ANO2: variants seen among roughly 807,000 people sequenced by gnomAD.
The protein encoded by ANO2 is anoctamin-2.
A neutral mutation model predicts 124.2 loss-of-function variants in ANO2; 101 were observed. The ratio of observed to expected loss-of-function variants is 0.81; its 90% CI spans 0.69 to 0.96. The LOEUF (loss-of-function observed/expected upper bound fraction) is 0.96. Among genes scored for constraint, ANO2 ranks in the 40% least tolerant of loss-of-function variants. ANO2 has a pLI of 0.00. For synonymous variants in ANO2, 486 were observed against 482.5 expected (o/e 1.01, Z -0.09); for missense variants, 1,293 against 1,274.5 (o/e 1.01, Z -0.22).
chr12:5,722,498 C>A lies in ANO2; in HGVS notation c.1545+10022G>T, dbSNP rs549478976. Among the ~76,000 whole-genome samples, 3 of 152,194 alleles carry A rather than the reference C, an allele frequency of 2.0e-5. No homozygotes were observed. In the South Asian group the frequency reaches 6.2e-4, roughly 32 times the overall value. On this transcript the variant is annotated intron_variant, in intron 14 of 24. Coordinates refer to ENST00000682330, the MANE Select transcript of ANO2 (RefSeq NM_001364791.2). Reference sequence around the variant, plus strand: ...CTCCAGCCTGGGCGACAGAACGAGACTCTCTCAAAAAAATAAAAAATAAAA... The same window carrying A: ...CTCCAGCCTGGGCGACAGAACGAGAATCTCTCAAAAAAATAAAAAATAAAA...
At chr12:5,890,047 T>A (rs1939284725) in intron 3 of ANO2, among the ~76,000 whole-genome samples, 1 of 110,918 alleles carries the variant, frequency 9.0e-6, no homozygotes, top group South Asian at 2.3e-4. Context: ...AAAATTCCAT[T>A]TTTTTTTTTT....
chr12:5,726,460 T>C (rs915164330), intron 14 of ANO2, among the ~76,000 whole-genome samples: 2 of 152,188 alleles, frequency 1.3e-5, no homozygotes, highest in Admixed American at 6.5e-5. Flanking sequence ...TGAGGATCTA[T>C]TGAAGGAAAA....
At position 5,599,561 on chromosome 12, in the gene ANO2, G is replaced by A. The variant is rs764183496; in HGVS notation, c.2156C>T (p.Ser719Leu). ...TEAGETDSAH[S>L]KHPEQWDLDY... ...TAGGTCCCACTGCTCTGGATGTTTC[G>A]AATGGGCAGAGTCAGTTTCTCCAGC... The change falls in exon 20 of 25, where the codon TCG (serine) becomes TTG (leucine). Residue 719 changes from serine (S) to leucine (L), a missense_variant. Ser to Leu is a moderately radical substitution (Grantham distance 145). Coordinates refer to ENST00000682330, the MANE Select transcript of ANO2 (RefSeq NM_001364791.2). The A allele has an allele frequency of 1.1e-5, 18 of 1,613,792 alleles. No individual in the cohort carries two copies. The highest frequency in any genetic ancestry group is 4.5e-5 in the East Asian group (2 of 44,890).
chr12:5,698,391 T>A (rs1383739389), intron 14 of ANO2, among the ~76,000 whole-genome samples: 2 of 152,218 alleles, frequency 1.3e-5, no homozygotes, highest in South Asian at 2.1e-4. Flanking sequence ...GGGTTCTGAC[T>A]GTTAGAAGGA....
At position 5,773,947 on chromosome 12, in the gene ANO2, C is replaced by T. The variant is rs187320162; in HGVS notation, c.1056-22977G>A. Among the ~76,000 whole-genome samples the T allele has an allele frequency of 3.1e-3, 470 of 152,234 alleles. 2 individuals are homozygous for T. The highest frequency in any genetic ancestry group is 0.01 in the Middle Eastern group (3 of 294). ...CTCATTGAGTTGCTGTGAATATTCACGAAGACAGCATATGAAAAGTGCTTT... is the reference window on the plus strand; with the variant it reads ...CTCATTGAGTTGCTGTGAATATTCATGAAGACAGCATATGAAAAGTGCTTT... On this transcript the variant is annotated intron_variant, in intron 10 of 24. Coordinates refer to ENST00000682330, the MANE Select transcript of ANO2 (RefSeq NM_001364791.2).
chr12:5,791,446 A>G (rs1379188892), intron 10 of ANO2, among the ~76,000 whole-genome samples: 1 of 152,212 alleles, frequency 6.6e-6, no homozygotes, highest in Non-Finnish European at 1.5e-5. Flanking sequence ...GCCAAGGTCG[A>G]CTATGGTCAG....
At chr12:5,859,991 C>G (rs12820482) in intron 3 of ANO2, among the ~76,000 whole-genome samples, 3 of 152,246 alleles carry the variant, frequency 2.0e-5, no homozygotes, top group South Asian at 2.1e-4. Context: ...CTCCCTACCC[C>G]GCTTCCTCTC....
chr12:5,817,781 G>T (rs1591651998), intron 7 of ANO2, among the ~76,000 whole-genome samples: 1 of 152,334 alleles, frequency 6.6e-6, no homozygotes, highest in East Asian at 1.9e-4. Context: ...AACTGGAAAT[G>T]CAGGGCTGCA....
intron 19 of ANO2, among the ~76,000 whole-genome samples, chr12:5,605,496 T>C (rs948814873): frequency 6.6e-6 from 1 of 152,222 alleles, no homozygotes. Flanking sequence ...TTGATCTGTC[T>C]ATCTGCTCTG....
At chr12:5,828,948 C>A (rs973219496) in intron 6 of ANO2, among the ~76,000 whole-genome samples, 8 of 152,156 alleles carry the variant, frequency 5.3e-5, no homozygotes, top group Non-Finnish European at 5.9e-5. Context: ...GCAGAATAGA[C>A]CCCAGGAAAA....
chr12:5,711,795 G>T (rs1949827506), intron 14 of ANO2, among the ~76,000 whole-genome samples: 4 of 152,142 alleles, frequency 2.6e-5, no homozygotes, highest in African/African-American at 9.7e-5. Flanking sequence ...ACGAGTTTGG[G>T]TTCCTCCCCA....
intron 3 of ANO2, among the ~76,000 whole-genome samples, chr12:5,905,640 G>A (rs957119866): frequency 4.6e-5 from 7 of 152,162 alleles, no homozygotes; most frequent in African/African-American, 1.2e-4. Flanking sequence ...TCATGTCTGC[G>A]TCTTTTTTCT....
chr12:5,679,114 T>C (rs543663138), intron 14 of ANO2, among the ~76,000 whole-genome samples: 111 of 152,318 alleles, frequency 7.3e-4, no homozygotes, highest in African/African-American at 2.5e-3. Context: ...AGTCCTTCCT[T>C]ACACTTTGTA....
At chr12:5,706,462 A>C (rs1949614693) in intron 14 of ANO2, among the ~76,000 whole-genome samples, 4 of 151,916 alleles carry the variant, frequency 2.6e-5, no homozygotes. Flanking sequence ...CTGTCTGTGC[A>C]CTCTTTCCCC....
chr12:5,716,541 T>A (rs1363380551), intron 14 of ANO2, among the ~76,000 whole-genome samples: 1 of 151,984 alleles, frequency 6.6e-6, no homozygotes, highest in Non-Finnish European at 1.5e-5. Flanking sequence ...TGGATGGGAG[T>A]CTTTCCATGC....
At chr12:5,616,854 T>C (rs1944833741) in intron 16 of ANO2, among the ~76,000 whole-genome samples, 2 of 152,122 alleles carry the variant, frequency 1.3e-5, no homozygotes, top group South Asian at 4.2e-4. Context: ...ACTCTCCAGA[T>C]CACACAGTAC....
chr12:5,751,881 T>G (rs1951451767), intron 10 of ANO2, among the ~76,000 whole-genome samples: 2 of 151,338 alleles, frequency 1.3e-5, no homozygotes, highest in Non-Finnish European at 2.9e-5. Context: ...ATCTCCTCAT[T>G]TTCCCCTCTC....
chr12:5,937,999 G>T (rs1044171500), intron 1 of ANO2, among the ~76,000 whole-genome samples: 1 of 152,104 alleles, frequency 6.6e-6, no homozygotes, highest in African/African-American at 2.4e-5. Flanking sequence ...AGTACCGTTC[G>T]ACTTCTACCA....
chr12:5,912,709 G>T (rs1427198722), intron 3 of ANO2, among the ~76,000 whole-genome samples: 1 of 152,172 alleles, frequency 6.6e-6, no homozygotes, highest in Non-Finnish European at 1.5e-5. Context: ...GTTCCCCAAA[G>T]ATCCCTCGGG....
Sources: gnomAD v4.1 joint callset for allele counts (sites outside exome capture counted in the v4.1 genomes callset) on GRCh38, gnomAD v4.1.1 for gene constraint, MANE v1.5 for transcripts, NCBI Gene and HGNC (gene_info 2026-07-23, HGNC 2026-07-21) for gene names.